The following KIAA0825 variants were observed in gnomAD, a reference collection of about 807,000 sequenced individuals.
KIAA0825 encodes the protein KIAA0825, also known as uncharacterized protein KIAA0825.
In KIAA0825, 119 loss-of-function variants were observed where a neutral mutation model predicts 147.6. The observed-to-expected ratio is 0.81, with a 90% CI of 0.69 to 0.94. The LOEUF is 0.94. KIAA0825 is among the 40% of genes least tolerant of loss of function. The probability of loss-of-function intolerance (pLI) is 0.00; values close to 1 mark genes in which losing one functional copy is unlikely to be tolerated. For synonymous variants in KIAA0825, 470 were observed against 518.1 expected, an observed-to-expected ratio of 0.91 and a Z score of 1.26; for missense variants, 1,381 against 1,472.7, an observed-to-expected ratio of 0.94 and a Z score of 1.02.
intron 20 of KIAA0825, among the ~76,000 whole-genome samples, chr5:94,364,596 A>G (rs1221314816): frequency 6.6e-6 from 1 of 151,812 alleles, no homozygotes; most frequent in African/African-American, 2.4e-5. Context: ...GTTAGCCAGG[A>G]TGGTCTCAAT....
intron 20 of KIAA0825, among the ~76,000 whole-genome samples, chr5:94,171,824 C>T (rs1469494579): frequency 1.3e-5 from 2 of 151,870 alleles, no homozygotes; most frequent in East Asian, 1.9e-4. Context: ...TTTACTGTAG[C>T]CAATGAAAAT....
intron 20 of KIAA0825, among the ~76,000 whole-genome samples, chr5:94,297,049 G>C (rs1438518567): frequency 6.6e-6 from 1 of 152,096 alleles, no homozygotes; most frequent in Non-Finnish European, 1.5e-5. Flanking sequence ...AGCTTCAAAT[G>C]AGCATATTTT....
rs577687156 is a variant in KIAA0825 at position 94,594,504 on chromosome 5, T to C, written c.-152-11921A>G. ...TCTTTATGGAAGCCATAATATAACA[T>C]TGGGACAACTACCAGAAATGCCCTG... is the stretch of plus-strand genomic sequence containing the variant. On this transcript the variant is annotated intron_variant, in intron 1 of 20. Transcript: ENST00000682413. 7.6e-5 allele frequency: 57 copies of C among 746,964 alleles called. No homozygotes were observed. The East Asian group carries it at 8.6e-4, about 11-fold the overall frequency. The allele number at this position is 746,964 out of a possible 1,614,324, so 46.3% of individuals were successfully genotyped here. A position where few individuals can be genotyped will look rare whatever the true frequency, so the allele number is the denominator to read the frequency against.
chr5:94,563,694 A>G (rs899079019), intron 2 of KIAA0825, among the ~76,000 whole-genome samples: 1 of 151,714 alleles, frequency 6.6e-6, no homozygotes, highest in Admixed American at 6.6e-5. Flanking sequence ...AATTTTTTTT[A>G]TGTTTTTTGA....
chr5:94,456,012 G>C (rs531468509), intron 12 of KIAA0825, among the ~76,000 whole-genome samples: 37 of 152,166 alleles, frequency 2.4e-4, no homozygotes, highest in Non-Finnish European at 3.2e-4. Context: ...CTAGGAAAGG[G>C]AGGGTGCTGG....
intron 20 of KIAA0825, among the ~76,000 whole-genome samples, chr5:94,174,393 T>TAAA (rs1768899238): frequency 6.6e-6 from 1 of 152,156 alleles, no homozygotes; most frequent in Non-Finnish European, 1.5e-5. Context: ...ATATTTAAAA[T>TAAA]GCTTACTTAT....
At chr5:94,505,031 C>T (rs1171605310) in intron 5 of KIAA0825, among the ~76,000 whole-genome samples, 1 of 151,740 alleles carries the variant, frequency 6.6e-6, no homozygotes, top group Admixed American at 6.5e-5. Context: ...CAGGCATGAG[C>T]CACCGTGCCC....
intron 20 of KIAA0825, among the ~76,000 whole-genome samples, chr5:94,271,957 A>C (rs1777009681): frequency 6.6e-6 from 1 of 152,158 alleles, no homozygotes; most frequent in Admixed American, 6.5e-5. Flanking sequence ...AATATGGTGC[A>C]TATACACAAT....
intron 3 of KIAA0825, among the ~76,000 whole-genome samples, chr5:94,529,275 GTATCATATATATGTATA>G (rs1561268162): frequency 0.011 from 1,149 of 108,414 alleles, 24 homozygotes; most frequent in Middle Eastern, 0.039. Flanking sequence ...ATATATGTAT[GTATCATATATATGTATA>G]TATCATATAT....
intron 20 of KIAA0825, among the ~76,000 whole-genome samples, chr5:94,265,009 C>T (rs1201324693): frequency 1.3e-5 from 2 of 152,038 alleles, no homozygotes; most frequent in Non-Finnish European, 2.9e-5. Flanking sequence ...TCTTGAACTT[C>T]TAGCCTCAAG....
intron 20 of KIAA0825, among the ~76,000 whole-genome samples, chr5:94,304,670 C>T (rs927817781): frequency 2.6e-5 from 4 of 151,970 alleles, no homozygotes; most frequent in African/African-American, 7.2e-5. Context: ...ACAGTAAACA[C>T]AGACACATAC....
At chr5:94,281,952 G>A (rs1028689323) in intron 20 of KIAA0825, among the ~76,000 whole-genome samples, 5 of 151,872 alleles carry the variant, frequency 3.3e-5, no homozygotes, top group African/African-American at 4.8e-5. Flanking sequence ...CAAGTATTCC[G>A]CCAAGAAGTC....
Position 94,232,077 on chromosome 5 carries a change from A to G in KIAA0825, c.3711-77953T>C, listed in dbSNP as rs139481797. Among the ~76,000 whole-genome samples, 89 of 152,250 alleles carry G rather than the reference A, an allele frequency of 5.8e-4. 4 individuals are homozygous for G. The East Asian group carries it at 0.016, about 28-fold the overall frequency. ...AATGATATGGCAAGTAATACAGAAT[A>G]ACTAAAGACAGAAGAAAATGAGCTG... On this transcript the variant is annotated intron_variant, in intron 20 of 20. Coordinates refer to ENST00000682413, the MANE Select transcript of KIAA0825 (RefSeq NM_001145678.3).
intron 20 of KIAA0825, among the ~76,000 whole-genome samples, chr5:94,323,121 AAT>A (rs1562378200): frequency 6.6e-6 from 1 of 151,910 alleles, no homozygotes; most frequent in Admixed American, 6.6e-5. Context: ...GTGTGCGTAT[AAT>A]ATATGAGTCT....
chr5:94,217,928 G>A (rs66978370), intron 20 of KIAA0825, among the ~76,000 whole-genome samples: 15,697 of 152,124 alleles, frequency 0.1, 915 homozygotes, highest in Middle Eastern at 0.14. Flanking sequence ...TCTTGGGTAT[G>A]TTGCCCAATA....
chr5:94,403,556 C>A lies in KIAA0825; in HGVS notation c.2887+13G>T, dbSNP rs1390479718. 1 of 1,545,264 alleles carries A rather than the reference C, an allele frequency of 6.5e-7. No individual in the cohort carries two copies. Among genetic ancestry groups the A allele is most frequent in the South Asian group, 1.2e-5 (1 of 83,838 alleles). ...TCAGGTGTATTTTCTTAAAGAGAAA[C>A]AAGTGTACTTACTTTTGCATGATTC... On this transcript the variant is annotated intron_variant, in intron 16 of 20. Transcript: ENST00000682413.
At position 94,396,258 on chromosome 5, in the gene KIAA0825, T is replaced by C. The variant is rs1343022814; in HGVS notation, c.3139A>G (p.Lys1047Glu). 6.4e-7 allele frequency: 1 copy of C among 1,551,600 alleles called. No homozygotes were observed. Among genetic ancestry groups the C allele is most frequent in the Middle Eastern group, 1.7e-4 (1 of 5,992 alleles). Residue 1047 changes from lysine (K) to glutamate (E), a missense_variant, in exon 17 of 21, where the codon AAA becomes GAA. Coordinates refer to ENST00000682413, the MANE Select transcript of KIAA0825 (RefSeq NM_001145678.3). ...GASLDRWSKE[K>E]LGLICMCLKS... Reference sequence around the variant, plus strand: ...AAACACATACAAATTAAACCCAATTTTTCTTTACTCCATCTGTCAAGAGAG... The same window carrying C: ...AAACACATACAAATTAAACCCAATTCTTCTTTACTCCATCTGTCAAGAGAG...
chr5:94,207,738 G>A (rs1167853538), intron 20 of KIAA0825, among the ~76,000 whole-genome samples: 1 of 152,132 alleles, frequency 6.6e-6, no homozygotes, highest in East Asian at 1.9e-4. Flanking sequence ...AAACTGATAG[G>A]ATTTGCCCTG....
At chr5:94,499,151 A>C (rs1764729696) in intron 5 of KIAA0825, among the ~76,000 whole-genome samples, 1 of 152,142 alleles carries the variant, frequency 6.6e-6, no homozygotes, top group Non-Finnish European at 1.5e-5. Context: ...TCCAGGGTGG[A>C]GCTGGGATGG....
Sources: gnomAD v4.1 joint callset for allele counts (sites outside exome capture counted in the v4.1 genomes callset) on GRCh38, gnomAD v4.1.1 for gene constraint, MANE v1.5 for transcripts, NCBI Gene and HGNC (gene_info 2026-07-23, HGNC 2026-07-21) for gene names.